The following BPIFB1 variants were observed in gnomAD, a reference collection of about 807,000 sequenced individuals.
BPIFB1 encodes BPI fold containing family B member 1.
Under a neutral mutation model 55.1 loss-of-function variants are expected in BPIFB1, and 34 were observed. That is an observed-to-expected ratio of 0.62 (90% CI 0.47 to 0.82). The LOEUF is 0.82. Among genes scored for constraint, BPIFB1 ranks in the 40% least tolerant of loss-of-function variants. The probability of loss-of-function intolerance (pLI) is 0.00; values close to 1 mark genes in which losing one functional copy is unlikely to be tolerated. For synonymous variants in BPIFB1, 236 were observed against 245.3 expected (o/e 0.96, Z 0.35); for missense variants, 532 against 593.1 (o/e 0.90, Z 1.07).
Position 33,289,938 on chromosome 20 carries a change from A to G in BPIFB1, c.311A>G (p.Asn104Ser), listed in dbSNP as rs764643652. 57 of 1,614,092 alleles carry G rather than the reference A, an allele frequency of 3.5e-5. No individual in the cohort carries two copies. Among genetic ancestry groups the G allele is most frequent in the Non-Finnish European group, 4.3e-5 (51 of 1,180,038 alleles). The change falls in exon 4 of 16, where the codon AAT becomes AGT. Residue 104 changes from asparagine to serine, a missense_variant. Coordinates refer to ENST00000253354, the MANE Select transcript of BPIFB1 (RefSeq NM_033197.3). ...ILQLQVKPSANDQELLVKIPL... is the reference protein window; with the variant it reads ...ILQLQVKPSASDQELLVKIPL... ...CAGCTGCAGGTGAAGCCCTCGGCCA[A>G]TGACCAGGAGCTGCTAGTCAAGATC...
intron 9 of BPIFB1, 23 bp from the exon 10 acceptor site, chr20:33,302,333 CCTT>C (rs1360055780): frequency 6.2e-7 from 1 of 1,613,446 alleles, no homozygotes; most frequent in Non-Finnish European, 8.5e-7. Context: ...CTCCAACTGA[CCTT>C]CTCTGGCTCC....
intron 12 of BPIFB1, among the ~76,000 whole-genome samples, chr20:33,304,530 A>G (rs1207156829): frequency 1.3e-5 from 2 of 152,162 alleles, no homozygotes; most frequent in East Asian, 1.9e-4. Flanking sequence ...ACAATCCTAC[A>G]TAGCAACAAA....
At position 33,299,898 on chromosome 20, in the gene BPIFB1, G is replaced by A; in HGVS notation, c.662-1G>A. ...AGAACTTTCTTCTTGTCCTTGAGCA[G>A]TGCCCATTTCCCTCAGCATTGACCG... is the stretch of plus-strand genomic sequence containing the variant. On this transcript the variant is annotated splice_acceptor_variant, in intron 7 of 15. Transcript: ENST00000253354. LOFTEE classifies it high-confidence loss of function. 1 of 1,613,844 alleles carries A rather than the reference G, an allele frequency of 6.2e-7. No individual in the cohort carries two copies. Among genetic ancestry groups the A allele is most frequent in the South Asian group, 1.1e-5 (1 of 91,070 alleles).
intron 7 of BPIFB1, chr20:33,299,133 C>A: frequency 2.2e-6 from 1 of 456,704 alleles, no homozygotes; most frequent in Non-Finnish European, 4.4e-6. Context: ...GATTCAGACG[C>A]GAGAAGAGAC....
intron 8 of BPIFB1, 79 bp from the exon 9 acceptor site, chr20:33,301,154 G>A (rs776976308): frequency 4.3e-6 from 6 of 1,391,920 alleles, no homozygotes; most frequent in Non-Finnish European, 5.0e-6. Context: ...AGGCTGAATG[G>A]TGTCATTTCC....
intron 3 of BPIFB1, among the ~76,000 whole-genome samples, chr20:33,289,358 G>A (rs1188459943): frequency 1.4e-5 from 2 of 147,522 alleles, no homozygotes; most frequent in Non-Finnish European, 3.0e-5. Context: ...TCCAGCCTGG[G>A]TGACAAGAGT....
chr20:33,299,799 C>A, intron 7 of BPIFB1, 100 bp from the exon 8 acceptor site: 1 of 789,974 alleles, frequency 1.3e-6, no homozygotes, highest in East Asian at 2.8e-5. Flanking sequence ...CTACCTGCCC[C>A]CCCATGCAAC....
At chr20:33,286,476 A>G (rs1415940360) in intron 2 of BPIFB1, among the ~76,000 whole-genome samples, 1 of 152,208 alleles carries the variant, frequency 6.6e-6, no homozygotes, top group East Asian at 1.9e-4. Flanking sequence ...TGCCTCTCCC[A>G]CTGCCTTCAC....
At chr20:33,296,048 C>T (rs1158695929) in intron 6 of BPIFB1, among the ~76,000 whole-genome samples, 4 of 152,134 alleles carry the variant, frequency 2.6e-5, no homozygotes, top group African/African-American at 9.7e-5. Flanking sequence ...TCTCAACCCT[C>T]GTTGCACATC....
chr20:33,309,839 C>T lies in BPIFB1; in HGVS notation c.*72C>T. ...TATGGGTGTGAGCTCTATAGACCAT[C>T]CCTCTCTGCAATCAATAAACACTTG... is the stretch of plus-strand genomic sequence containing the variant. On this transcript the variant is annotated 3_prime_UTR_variant, in exon 16 of 16. Transcript: ENST00000253354. This position sits in a 1 kb window ranked among gnomAD's most constrained non-coding sequence, Gnocchi z 4.4. 7.4e-7 allele frequency: 1 copy of T among 1,351,202 alleles called. No homozygotes were observed. The highest frequency in any genetic ancestry group is 1.1e-6 in the Non-Finnish European group (1 of 945,166). 83.7% of individuals were successfully genotyped at this position (1,351,202 alleles called of 1,614,324 possible).
chr20:33,289,432 G>T (rs1444212200), intron 3 of BPIFB1, among the ~76,000 whole-genome samples: 1 of 152,018 alleles, frequency 6.6e-6, no homozygotes, highest in Admixed American at 6.6e-5. Flanking sequence ...GGTTGTCTGG[G>T]GTGGCACAGG....
chr20:33,307,101 G>T, intron 15 of BPIFB1, 114 bp downstream of exon 15: 2 of 925,574 alleles, frequency 2.2e-6, no homozygotes, highest in Non-Finnish European at 1.7e-6. Context: ...CCCTGGGCAA[G>T]TCCCTTCCCC....
At chr20:33,292,030 C>CCCCTGTG in intron 6 of BPIFB1, 42 bp downstream of exon 6, 1 of 1,580,610 alleles carries the variant, frequency 6.3e-7, no homozygotes, top group Non-Finnish European at 8.7e-7. Context: ...GGCATTGCGC[C>CCCCTGTG]CCCTGTGGGG....
Position 33,292,100 on chromosome 20 carries a change from G to A in BPIFB1, c.597+112G>A, listed in dbSNP as rs1044350839. ...GGAGTCTCCTTGGGTGGGTTTTGCT[G>A]AAAGAATTATCTGGGGCTGGATAGC... On this transcript the variant is annotated intron_variant, in intron 6 of 15. Coordinates refer to ENST00000253354, the MANE Select transcript of BPIFB1 (RefSeq NM_033197.3). 9 of 988,926 alleles carry A rather than the reference G, an allele frequency of 9.1e-6. No homozygotes were observed. The Admixed American group carries it at 9.5e-5, about 10-fold the overall frequency. 61.3% of individuals were successfully genotyped at this position (988,926 alleles called of 1,614,324 possible).
chr20:33,289,806 A>G, intron 3 of BPIFB1, 79 bp from the exon 4 acceptor site: 1 of 1,353,330 alleles, frequency 7.4e-7, no homozygotes, highest in Non-Finnish European at 1.1e-6. Context: ...CCCCAGGGAG[A>G]TGGAAAAGAT....
intron 7 of BPIFB1, chr20:33,298,631 G>A (rs1980733070): frequency 1.3e-5 from 2 of 153,940 alleles, no homozygotes; most frequent in African/African-American, 4.8e-5. Flanking sequence ...TGTGATGAAA[G>A]AGGCTCCGAG....
At chr20:33,301,878 A>C (rs112955618) in intron 9 of BPIFB1, among the ~76,000 whole-genome samples, 21 of 152,242 alleles carry the variant, frequency 1.4e-4, no homozygotes, top group Admixed American at 1.3e-3. Context: ...AACCACCACC[A>C]GTCAACTATG....
Position 33,285,284 on chromosome 20 carries a change from A to G in BPIFB1, c.-41-749A>G, listed in dbSNP as rs530922980. On this transcript the variant is annotated intron_variant, in intron 1 of 15. Transcript: ENST00000253354. ...CCAACTGCTTGGAACTTGCTAGAAC[A>G]AGGGGAGAGAAAGCAGGAGGTGAGG... 7.4e-4 allele frequency among the ~76,000 whole-genome samples: 113 copies of G among 152,272 alleles called. 1 individual carries two copies. Among genetic ancestry groups the G allele is most frequent in the Admixed American group, 3.6e-3 (55 of 15,302 alleles).
intron 6 of BPIFB1, among the ~76,000 whole-genome samples, chr20:33,292,835 G>A (rs1032857557): frequency 3.9e-5 from 6 of 152,216 alleles, no homozygotes; most frequent in African/African-American, 1.2e-4. Flanking sequence ...AGATGTGTTC[G>A]TAACAATGGG....
Sources: allele counts gnomAD v4.1 joint callset (sites outside exome capture counted in the v4.1 genomes callset), GRCh38; gene constraint gnomAD v4.1.1; non-coding constraint Gnocchi (gnomAD v3.1); transcripts MANE v1.5; gene names NCBI Gene and HGNC (gene_info 2026-07-23, HGNC 2026-07-21).